TBC1D5: variants seen among roughly 807,000 people sequenced by gnomAD.
TBC1D5 encodes the protein TBC1 domain family, member 5.
In TBC1D5, 75 loss-of-function variants were observed where a neutral mutation model predicts 100.3. That is an observed-to-expected ratio of 0.75 (90% CI 0.62 to 0.91). The LOEUF is 0.91. Ranked by LOEUF, TBC1D5 falls within the 40% of genes least tolerant of loss-of-function variation. The pLI, the probability that TBC1D5 is intolerant of heterozygous loss-of-function variation, is 0.00. For missense variants in TBC1D5, 910 were observed against 942.4 expected, an observed-to-expected ratio of 0.97 and a Z score of 0.45; for synonymous variants, 323 against 325.6, an observed-to-expected ratio of 0.99 and a Z score of 0.09.
chr3:17,623,007 T>C (rs567533609), intron 2 of TBC1D5, among the ~76,000 whole-genome samples: 1 of 152,224 alleles, frequency 6.6e-6, no homozygotes, highest in African/African-American at 2.4e-5. Context: ...TGTCTACTCC[T>C]GGGCCCCCAA....
chr3:17,235,261 A>G (rs1173900840), intron 17 of TBC1D5, among the ~76,000 whole-genome samples: 5 of 152,198 alleles, frequency 3.3e-5, no homozygotes, highest in Admixed American at 1.3e-4. Flanking sequence ...TACAAACACA[A>G]CTGTCCCCCT....
intron 4 of TBC1D5, among the ~76,000 whole-genome samples, chr3:17,408,142 T>C (rs1056507431): frequency 1.3e-5 from 2 of 151,976 alleles, no homozygotes; most frequent in South Asian, 2.1e-4. Context: ...TGTGCAAGCA[T>C]GGGCAAATTT....
chr3:17,697,815 AG>A (rs1426732127), intron 1 of TBC1D5, among the ~76,000 whole-genome samples: 5 of 152,170 alleles, frequency 3.3e-5, no homozygotes, highest in African/African-American at 1.2e-4. Flanking sequence ...CTAAGCAAAA[AG>A]AACAAAGCTG....
At chr3:17,344,523 A>G (rs201043689) in intron 13 of TBC1D5, among the ~76,000 whole-genome samples, 7 of 151,836 alleles carry the variant, frequency 4.6e-5, no homozygotes, top group African/African-American at 1.7e-4. Flanking sequence ...TGCCATCCCC[A>G]TCAAGCTACC....
At chr3:17,369,587 G>A (rs1046318866) in intron 13 of TBC1D5, among the ~76,000 whole-genome samples, 8 of 152,026 alleles carry the variant, frequency 5.3e-5, no homozygotes, top group Non-Finnish European at 1.0e-4. Flanking sequence ...TGGGTCAAGC[G>A]ATCCTCCTGC....
At chr3:17,586,849 C>A (rs1425088882) in intron 2 of TBC1D5, among the ~76,000 whole-genome samples, 1 of 151,988 alleles carries the variant, frequency 6.6e-6, no homozygotes, top group Non-Finnish European at 1.5e-5. Context: ...ATAAAACAAT[C>A]ACCTCTTACT....
intron 2 of TBC1D5, among the ~76,000 whole-genome samples, chr3:17,618,015 G>A (rs536506217): frequency 6.6e-6 from 1 of 152,196 alleles, no homozygotes; most frequent in East Asian, 1.9e-4. Flanking sequence ...TTCTGCTCTG[G>A]TTTCTCCCCA....
chr3:17,621,660 C>T (rs1243648111), intron 2 of TBC1D5, among the ~76,000 whole-genome samples: 1 of 152,106 alleles, frequency 6.6e-6, no homozygotes, highest in African/African-American at 2.4e-5. Flanking sequence ...TCTATCACTA[C>T]AGTTGTGTCC....
intron 1 of TBC1D5, among the ~76,000 whole-genome samples, chr3:17,689,858 CCCTAAACATA>C (rs1485244864): frequency 6.6e-6 from 1 of 151,474 alleles, no homozygotes; most frequent in Non-Finnish European, 1.5e-5. Context: ...AACCTATCAT[CCCTAAACATA>C]CCTAAACATA....
intron 14 of TBC1D5, among the ~76,000 whole-genome samples, chr3:17,296,663 T>G (rs915009248): frequency 6.6e-6 from 1 of 152,224 alleles, no homozygotes; most frequent in Non-Finnish European, 1.5e-5. Context: ...TTAAAACCCT[T>G]GTAAGATTTT....
intron 2 of TBC1D5, among the ~76,000 whole-genome samples, chr3:17,596,299 T>C (rs555377159): frequency 6.6e-6 from 1 of 151,298 alleles, no homozygotes; most frequent in East Asian, 1.9e-4. Flanking sequence ...TGGAAGATAA[T>C]ATTTTTCCAG....
chr3:17,711,812 T>C (rs1214563637), intron 1 of TBC1D5, among the ~76,000 whole-genome samples: 1 of 152,248 alleles, frequency 6.6e-6, no homozygotes. Context: ...GCAGTGCTTT[T>C]ATGAAGTATT....
intron 1 of TBC1D5, chr3:17,672,533 G>T (rs2068058448): frequency 6.6e-6 from 1 of 152,036 alleles, no homozygotes; most frequent in Non-Finnish European, 1.5e-5. Flanking sequence ...ATAAAAACTA[G>T]AAAACACCTA....
At chr3:17,291,622 TTGACTTGTGAGGAAGGGAAAAGCATAG>T (rs1188429010) in intron 15 of TBC1D5, among the ~76,000 whole-genome samples, 4 of 152,184 alleles carry the variant, frequency 2.6e-5, no homozygotes, top group Non-Finnish European at 4.4e-5. Context: ...AACTATTTCC[TTGACTTGTGAGGAAGGGAAAAGCATAG>T]AATAACCTTC....
intron 3 of TBC1D5, among the ~76,000 whole-genome samples, chr3:17,454,003 G>A (rs1408917461): frequency 6.6e-6 from 1 of 152,098 alleles, no homozygotes; most frequent in Admixed American, 6.6e-5. Context: ...ATGGAATGAA[G>A]GATAAAAACC....
At chr3:17,385,353 A>T (rs1159059442) in intron 8 of TBC1D5, among the ~76,000 whole-genome samples, 1 of 152,108 alleles carries the variant, frequency 6.6e-6, no homozygotes, top group African/African-American at 2.4e-5. Flanking sequence ...GCATGAAGGC[A>T]TAGAGCATTA....
rs1275618870 is a variant in TBC1D5, at chr3:17,544,258, ACTAT to A, written c.-35-35657_-35-35654del. Among the ~76,000 whole-genome samples, 5 of 152,186 alleles carry A rather than the reference ACTAT, an allele frequency of 3.3e-5. No homozygotes were observed. In the East Asian group the frequency reaches 9.6e-4, roughly 29 times the overall value. ...TGAGAACGACTGTTGTAGACAAAAGACTATCTATTCAAAATTGTACATGAAAACC... is the reference window on the plus strand; with the variant it reads ...TGAGAACGACTGTTGTAGACAAAAGACTATTCAAAATTGTACATGAAAACC... On this transcript the variant is annotated intron_variant, in intron 2 of 21. Coordinates refer to ENST00000253692, the Ensembl canonical transcript of TBC1D5.
chr3:17,489,378 A>C (rs2095610245), intron 3 of TBC1D5, among the ~76,000 whole-genome samples: 1 of 152,146 alleles, frequency 6.6e-6, no homozygotes, highest in Non-Finnish European at 1.5e-5. Context: ...GCAGTGAGGG[A>C]TTGTTCCATA....
intron 1 of TBC1D5, among the ~76,000 whole-genome samples, chr3:17,720,473 T>C (rs1226223941): frequency 6.6e-6 from 1 of 152,150 alleles, no homozygotes; most frequent in Non-Finnish European, 1.5e-5. Flanking sequence ...ATAAAAGAAC[T>C]AGAAAATAAT....
Sources: allele counts gnomAD v4.1 joint callset (sites outside exome capture counted in the v4.1 genomes callset), GRCh38; gene constraint gnomAD v4.1.1; transcripts MANE v1.5; gene names NCBI Gene and HGNC (gene_info 2026-07-23, HGNC 2026-07-21).